Variants in ARHGAP17 observed in about 807,000 individuals in gnomAD.
The protein encoded by ARHGAP17 is rho GTPase-activating protein 17.
A neutral mutation model predicts 99.5 loss-of-function variants in ARHGAP17; 57 were observed. The ratio of observed to expected loss-of-function variants is 0.57; its 90% CI spans 0.46 to 0.71. The LOEUF (loss-of-function observed/expected upper bound fraction) is 0.71. Among genes scored for constraint, ARHGAP17 ranks in the 30% least tolerant of loss-of-function variants. The probability of loss-of-function intolerance (pLI) is 0.00; values close to 1 mark genes in which losing one functional copy is unlikely to be tolerated. For synonymous variants in ARHGAP17, 417 were observed against 429.6 expected, an observed-to-expected ratio of 0.97 and a Z score of 0.36; for missense variants, 1,000 against 1,122.4, an observed-to-expected ratio of 0.89 and a Z score of 1.56.
chr16:25,000,922 T>G lies in ARHGAP17; in HGVS notation c.53+14287A>C, dbSNP rs945899288. Among the ~76,000 whole-genome samples the G allele has an allele frequency of 2.0e-5, 3 of 152,228 alleles. 1 individual carries two copies. The highest frequency in any genetic ancestry group is 1.3e-4 in the Admixed American group (2 of 15,280). ...CAAATAGCAGACACACTAAAAGTTG[T>G]GTGGTTCGAAAATGAGGAGAACGTT... On this transcript the variant is annotated intron_variant, in intron 1 of 19. Transcript: ENST00000289968.
chr16:24,924,708 C>CA (rs1210824323), intron 19 of ARHGAP17, among the ~76,000 whole-genome samples: 2 of 151,762 alleles, frequency 1.3e-5, no homozygotes, highest in African/African-American at 4.8e-5. Context: ...ACTAAAAATA[C>CA]AAAAATTAGC....
chr16:24,929,784 G>GA (rs2050934233), intron 19 of ARHGAP17: 1 of 472,776 alleles, frequency 2.1e-6, no homozygotes, highest in African/African-American at 2.1e-5. Context: ...TTATATTCCT[G>GA]AAAAAAGTTA....
intron 1 of ARHGAP17, among the ~76,000 whole-genome samples, chr16:25,010,082 C>CTT (rs1194435119): frequency 1.4e-4 from 20 of 145,400 alleles, no homozygotes; most frequent in Middle Eastern, 3.4e-3. Flanking sequence ...TCTTTTTTTT[C>CTT]TTTTTTTTTT....
Position 24,930,949 on chromosome 16 carries a change from G to A in ARHGAP17, c.2350C>T (p.Pro784Ser), listed in dbSNP as rs766556603. 6 of 1,613,870 alleles carry A rather than the reference G, an allele frequency of 3.7e-6. No homozygotes were observed. The highest frequency in any genetic ancestry group is 4.2e-6 in the Non-Finnish European group (5 of 1,179,984). ...PAPQTLAGGN[P>S]ETAQPHAGTL... ...CCAGCATGTGGCTGTGCAGTTTCAGGGTTACCCCCTGCCAGGGTCTGAGGA... is the reference window on the plus strand; with the variant it reads ...CCAGCATGTGGCTGTGCAGTTTCAGAGTTACCCCCTGCCAGGGTCTGAGGA... The change falls in exon 19 of 20, where the codon CCT (proline) becomes TCT (serine). Residue 784 changes from proline (P) to serine (S), a missense_variant. Pro to Ser is a moderately conservative substitution (Grantham distance 74, BLOSUM62 -1). This residue lies in a region of ARHGAP17 where 528 missense variants were observed against 511.4 expected (regional missense o/e 1.03). Coordinates refer to ENST00000289968, the MANE Select transcript of ARHGAP17 (RefSeq NM_001006634.3).
intron 7 of ARHGAP17, among the ~76,000 whole-genome samples, chr16:24,962,204 G>A (rs139953593): frequency 8.9e-4 from 135 of 152,044 alleles, no homozygotes; most frequent in African/African-American, 2.9e-3. Context: ...AGAAAAAGTC[G>A]GAATGCTAAG....
Position 24,959,938 on chromosome 16 carries a change from T to C in ARHGAP17, c.615A>G (p.Glu205=), listed in dbSNP as rs923082932. Residue 205 remains glutamate (E), a synonymous_variant, in exon 8 of 20, where the codon GAA becomes GAG. Transcript: ENST00000289968. Reference sequence around the variant, plus strand: ...TAACAAAGAATTTGCCATACTCCCCTTCTTTGGCCATAAAGTTGTACATGT... The same window carrying C: ...TAACAAAGAATTTGCCATACTCCCCCTCTTTGGCCATAAAGTTGTACATGT... ...AADMYNFMAK[E]GEYGKFFVTL... 1 of 1,613,912 alleles carries C rather than the reference T, an allele frequency of 6.2e-7. No homozygotes were observed. Among genetic ancestry groups the C allele is most frequent in the Non-Finnish European group, 8.5e-7 (1 of 1,179,870 alleles).
rs778393485 is a variant in ARHGAP17 at position 24,930,998 on chromosome 16, T to C, written c.2301A>G (p.Gly767=). The C allele has an allele frequency of 9.3e-6, 15 of 1,613,112 alleles. No individual in the cohort carries two copies. The African/African-American group carries it at 1.6e-4, about 17-fold the overall frequency. The change falls in exon 19 of 20, where the codon GGA becomes GGG. Residue 767 remains glycine, a synonymous_variant. Transcript: ENST00000289968. ...GAGCTGGCAGACTGGGGTTCTGTTT[T>C]CCTAGGGGCGGAGTACTGGGGGGCG... ...TPTPPSTPPL[G]KQNPSLPAPQ... is the part of the protein sequence containing the mutation.
intron 13 of ARHGAP17, chr16:24,949,061 TATTG>T (rs1314780875): frequency 7.6e-5 from 14 of 183,746 alleles, no homozygotes; most frequent in Non-Finnish European, 1.2e-4. Flanking sequence ...AATGTACAAT[TATTG>T]ATTAATTTTG....
At chr16:24,946,369 A>G (rs763528029) in intron 14 of ARHGAP17, among the ~76,000 whole-genome samples, 20 of 151,762 alleles carry the variant, frequency 1.3e-4, no homozygotes, top group Non-Finnish European at 2.2e-4. Flanking sequence ...GGCCCTTTCA[A>G]CAGTGTCTTG....
chr16:25,006,124 C>T (rs2053498121), intron 1 of ARHGAP17, among the ~76,000 whole-genome samples: 1 of 151,996 alleles, frequency 6.6e-6, no homozygotes, highest in African/African-American at 2.4e-5. Context: ...GCAGCAAAGC[C>T]AACTGGAAGA....
At chr16:25,004,971 G>C (rs1203214786) in intron 1 of ARHGAP17, among the ~76,000 whole-genome samples, 1 of 152,254 alleles carries the variant, frequency 6.6e-6, no homozygotes, top group African/African-American at 2.4e-5. Context: ...CTGGAGTGCA[G>C]TGGTGCGATC....
At chr16:24,966,349 G>A (rs907715809) in intron 6 of ARHGAP17, among the ~76,000 whole-genome samples, 3 of 151,896 alleles carry the variant, frequency 2.0e-5, no homozygotes, top group Non-Finnish European at 4.4e-5. Flanking sequence ...ATAAAAAGCT[G>A]GGGCTGGTTG....
intron 14 of ARHGAP17, 134 bp downstream of exon 14, chr16:24,947,348 G>A: frequency 1.3e-6 from 1 of 749,768 alleles, no homozygotes; most frequent in Non-Finnish European, 2.2e-6. Context: ...CAAGAATATA[G>A]GCTGAATGAG....
chr16:24,994,465 T>G (rs753930175), intron 1 of ARHGAP17, among the ~76,000 whole-genome samples: 1 of 152,178 alleles, frequency 6.6e-6, no homozygotes. Context: ...TGAGCCATCA[T>G]GAGTAAGATA....
rs1567228034 is a variant in ARHGAP17, at chr16:24,954,807, A to G, written c.725-77T>C. On this transcript the variant is annotated intron_variant, in intron 9 of 19. Transcript: ENST00000289968. Reference sequence around the variant, plus strand: ...AAGCTATTTTCTCCCCAACTACCCAATGGGCTTTTCTAGCCGACTGGTAGG... The same window carrying G: ...AAGCTATTTTCTCCCCAACTACCCAGTGGGCTTTTCTAGCCGACTGGTAGG... The G allele has an allele frequency of 3.8e-6, 6 of 1,570,616 alleles. No individual in the cohort carries two copies. In the East Asian group the frequency reaches 9.0e-5, roughly 24 times the overall value.
At chr16:24,979,672 AG>A (rs1217269945) in intron 1 of ARHGAP17, among the ~76,000 whole-genome samples, 4 of 152,056 alleles carry the variant, frequency 2.6e-5, no homozygotes, top group African/African-American at 9.7e-5. Context: ...GAGCTGGCGG[AG>A]TCTCAACTGT....
chr16:24,998,784 T>C (rs538631882), intron 1 of ARHGAP17, among the ~76,000 whole-genome samples: 2 of 152,288 alleles, frequency 1.3e-5, no homozygotes, highest in East Asian at 3.9e-4. Context: ...AATCAGGCTA[T>C]TATTCCGCAG....
intron 7 of ARHGAP17, among the ~76,000 whole-genome samples, chr16:24,962,648 C>A (rs2052045854): frequency 6.6e-6 from 1 of 152,122 alleles, no homozygotes; most frequent in Admixed American, 6.5e-5. Flanking sequence ...AAAATGAGTT[C>A]AAATAATTAC....
At chr16:24,928,474 G>A (rs1323497907) in intron 19 of ARHGAP17, among the ~76,000 whole-genome samples, 3 of 152,108 alleles carry the variant, frequency 2.0e-5, no homozygotes, top group Non-Finnish European at 2.9e-5. Context: ...AATACACCCC[G>A]GGTAACAATG....
Sources: allele counts gnomAD v4.1 joint callset (sites outside exome capture counted in the v4.1 genomes callset), GRCh38; gene constraint gnomAD v4.1.1; regional missense constraint gnomAD v4.1.1; transcripts MANE v1.5; gene names NCBI Gene and HGNC (gene_info 2026-07-23, HGNC 2026-07-21).